Variants in AKT1 observed in about 807,000 individuals in gnomAD.
The protein encoded by AKT1 is AKT serine/threonine kinase 1.
A neutral mutation model predicts 63.1 loss-of-function variants in AKT1; 21 were observed. The observed-to-expected ratio is 0.33, with a 90% CI of 0.24 to 0.48. The LOEUF (loss-of-function observed/expected upper bound fraction) is 0.48, where lower values mean the gene tolerates loss of function less well. Ranked by LOEUF, AKT1 falls within the 20% of genes least tolerant of loss-of-function variation. The probability of loss-of-function intolerance (pLI) is 0.99; values close to 1 mark genes in which losing one functional copy is unlikely to be tolerated. For missense variants in AKT1, 382 were observed against 666.0 expected, an observed-to-expected ratio of 0.57 and a Z score of 4.69; for synonymous variants, 257 against 253.1, an observed-to-expected ratio of 1.02 and a Z score of -0.15.
rs1056210767 is a variant in AKT1 at position 104,776,602 on chromosome 14, C to G, written c.287+57G>C. ...TGCCAGCACCCCGCCATCCCCGTGT[C>G]CCTCCTAAGCGCTGGGGCTGCCCAA... On this transcript the variant is annotated intron_variant, in intron 5 of 14. Coordinates refer to ENST00000649815, the MANE Select transcript of AKT1 (RefSeq NM_001382430.1). 3 of 1,483,616 alleles carry G rather than the reference C, an allele frequency of 2.0e-6. No homozygotes were observed. The African/African-American group carries it at 4.2e-5, about 21-fold the overall frequency. 91.9% of individuals were successfully genotyped at this position (1,483,616 alleles called of 1,614,324 possible).
At chr14:104,784,578 G>C (rs1254859896) in intron 3 of AKT1, among the ~76,000 whole-genome samples, 1 of 152,196 alleles carries the variant, frequency 6.6e-6, no homozygotes, top group Admixed American at 6.5e-5. Flanking sequence ...CCCAGGGAAA[G>C]AGGGTTCCTT....
Position 104,773,935 on chromosome 14 carries a change from T to G in AKT1, c.679A>C (p.Met227Leu). ...ACCTCGCCCCCGTTGGCGTACTCCA[T>G]GACAAAGCAGAGGCGGTCGTGGGTC... ...FQTHDRLCFV[M>L]EYANGGELFF... Residue 227 changes from methionine to leucine, a missense_variant, in exon 9 of 15, where the codon ATG becomes CTG. Met to Leu is a conservative substitution (Grantham distance 15). Transcript: ENST00000649815. The G allele has an allele frequency of 6.2e-7, 1 of 1,612,640 alleles. No homozygotes were observed. The highest frequency in any genetic ancestry group is 8.5e-7 in the Non-Finnish European group (1 of 1,179,368).
intron 4 of AKT1, chr14:104,777,595 G>T: frequency 3.0e-6 from 3 of 1,001,860 alleles, no homozygotes; most frequent in Non-Finnish European, 3.6e-6. Flanking sequence ...CCTACAGCAC[G>T]TACACCCTGA....
At chr14:104,794,444 C>A (rs1297724857) in intron 1 of AKT1, 2 of 152,286 alleles carry the variant, frequency 1.3e-5, no homozygotes, top group African/African-American at 4.8e-5. Flanking sequence ...CAGGCCAGCA[C>A]AGGGCTGCCT....
At chr14:104,794,966 G>A (rs1459451083) in intron 1 of AKT1, 1 of 152,248 alleles carries the variant, frequency 6.6e-6, no homozygotes, top group African/African-American at 2.4e-5. Flanking sequence ...GCCCAGGAGG[G>A]TCACAGTCCT....
chr14:104,785,291 C>A (rs1264961201), intron 3 of AKT1, among the ~76,000 whole-genome samples: 1 of 152,200 alleles, frequency 6.6e-6, no homozygotes, highest in Non-Finnish European at 1.5e-5. Context: ...GGAGTACACA[C>A]CCCTTTACCA....
At chr14:104,777,761 AACC>A in intron 4 of AKT1, 1 of 985,396 alleles carries the variant, frequency 1.0e-6, no homozygotes, top group Non-Finnish European at 1.2e-6. Context: ...AGGCCCTGGC[AACC>A]ACAAGGGGGC....
rs1892475655 is a variant in AKT1, at chr14:104,772,939, T to C, written c.1111A>G (p.Thr371Ala). The C allele has an allele frequency of 6.2e-7, 1 of 1,613,842 alleles. No individual in the cohort carries two copies. The highest frequency in any genetic ancestry group is 1.7e-5 in the Admixed American group (1 of 59,994). ...AAGGACTTGGCCTCGGGACCAAGCGTGCGCGGGAAGCGGATCTCCTCCATG... is the reference window on the plus strand; with the variant it reads ...AAGGACTTGGCCTCGGGACCAAGCGCGCGCGGGAAGCGGATCTCCTCCATG... The part of the protein sequence containing the change: ...ILMEEIRFPR[T>A]LGPEAKSLLS... Residue 371 changes from threonine (T) to alanine (A), a missense_variant, in exon 12 of 15, where the codon ACG becomes GCG. Coordinates refer to ENST00000649815, the MANE Select transcript of AKT1 (RefSeq NM_001382430.1).
At chr14:104,777,847 A>AG in intron 4 of AKT1, 9 of 368,070 alleles carry the variant, frequency 2.4e-5, no homozygotes, top group Non-Finnish European at 3.4e-5. Flanking sequence ...CCTGGTGGGG[A>AG]GGGTGGCCTG....
intron 3 of AKT1, among the ~76,000 whole-genome samples, chr14:104,781,657 G>C (rs779064827): frequency 1.1e-4 from 17 of 152,164 alleles, no homozygotes; most frequent in Non-Finnish European, 2.4e-4. Context: ...ACGGGGCGTG[G>C]TCTCCACAAG....
intron 13 of AKT1, 31 bp downstream of exon 13, chr14:104,772,334 G>C (rs748128595): frequency 6.2e-7 from 1 of 1,610,566 alleles, no homozygotes; most frequent in African/African-American, 1.3e-5. Flanking sequence ...GGGAGCATGC[G>C]TGCGCGTGAA....
intron 3 of AKT1, among the ~76,000 whole-genome samples, chr14:104,781,505 G>A (rs911554774): frequency 6.6e-6 from 1 of 152,200 alleles, no homozygotes; most frequent in Non-Finnish European, 1.5e-5. Context: ...CATCCCAGCA[G>A]GCATTCTACT....
Position 104,772,904 on chromosome 14 carries a change from C to G in AKT1, c.1146G>C (p.Gly382=), listed in dbSNP as rs755174756. 9 of 1,612,576 alleles carry G rather than the reference C, an allele frequency of 5.6e-6. No homozygotes were observed. The highest frequency in any genetic ancestry group is 7.6e-6 in the Non-Finnish European group (9 of 1,179,900). ...LGPEAKSLLS[G]LLKKDPKQRL... ...TCTGCTTGGGGTCCTTCTTGAGCAG[C>G]CCTGAAAGCAAGGACTTGGCCTCGG... The change falls in exon 12 of 15, where the codon GGG becomes GGC. Residue 382 remains glycine, a synonymous_variant. Transcript: ENST00000649815.
chr14:104,770,477 C>G, intron 14 of AKT1, 57 bp from the exon 15 acceptor site: 1 of 1,483,270 alleles, frequency 6.7e-7, no homozygotes, highest in Non-Finnish European at 9.1e-7. Flanking sequence ...CCTCCACCCA[C>G]CCACAGCTCC....
In AKT1 at chr14:104,770,266, C is replaced by T; in HGVS notation, c.*75G>A. 6.8e-7 allele frequency: 1 copy of T among 1,469,962 alleles called. No homozygotes were observed. Among genetic ancestry groups the T allele is most frequent in the African/African-American group, 1.4e-5 (1 of 72,188 alleles). 91.1% of individuals were successfully genotyped at this position (1,469,962 alleles called of 1,614,324 possible). On this transcript the variant is annotated 3_prime_UTR_variant, in exon 15 of 15. Coordinates refer to ENST00000649815, the MANE Select transcript of AKT1 (RefSeq NM_001382430.1). ...TCAAATGCACCCGAGAAATAAAAAC[C>T]ATTAAATACAGATCATGGCACGAGG...
At chr14:104,792,550 A>G in intron 3 of AKT1, 48 bp downstream of exon 3, 1 of 1,604,896 alleles carries the variant, frequency 6.2e-7, no homozygotes, top group Non-Finnish European at 8.5e-7. Context: ...TGGGGCTACT[A>G]CCCCCATCTC....
intron 5 of AKT1, 119 bp from the exon 6 acceptor site, chr14:104,775,918 A>G (rs2140924013): frequency 3.2e-6 from 4 of 1,267,680 alleles, no homozygotes; most frequent in South Asian, 1.4e-5. Flanking sequence ...TCCCAGAGAC[A>G]GCCCTGAGGA....
intron 3 of AKT1, among the ~76,000 whole-genome samples, chr14:104,788,939 C>T (rs138120842): frequency 3.2e-4 from 49 of 152,300 alleles, no homozygotes; most frequent in African/African-American, 1.1e-3. Flanking sequence ...CACACGGTCC[C>T]GTGTCACCCG....
rs61757059 is a variant in AKT1 at position 104,792,250 on chromosome 14, G to C, written c.46+348C>G. ...CCCTGCCCTCAGGAGCCCTTGGGCA[G>C]TGCCCTGGGCCGCCAGCGTGCCAGA... On this transcript the variant is annotated intron_variant, in intron 3 of 14. Transcript: ENST00000649815. Among the ~76,000 whole-genome samples the C allele has an allele frequency of 2.5e-3, 377 of 152,316 alleles. 1 individual carries two copies. Among genetic ancestry groups the C allele is most frequent in the African/African-American group, 8.3e-3 (345 of 41,584 alleles).
Sources: allele counts gnomAD v4.1 joint callset (sites outside exome capture counted in the v4.1 genomes callset), GRCh38; gene constraint gnomAD v4.1.1; transcripts MANE v1.5; gene names NCBI Gene and HGNC (gene_info 2026-07-23, HGNC 2026-07-21).